Variants in TRAPPC10 observed in about 807,000 individuals in gnomAD.
The protein encoded by TRAPPC10 is TRAPP 130 kDa subunit.
A neutral mutation model predicts 125.5 loss-of-function variants in TRAPPC10; 23 were observed. The ratio of observed to expected loss-of-function variants is 0.18; its 90% CI spans 0.13 to 0.26. The LOEUF is 0.26. Among genes scored for constraint, TRAPPC10 ranks in the 10% least tolerant of loss-of-function variants. The probability of loss-of-function intolerance (pLI) is 1.00; values close to 1 mark genes in which losing one functional copy is unlikely to be tolerated. For synonymous variants in TRAPPC10, 509 were observed against 518.0 expected, an observed-to-expected ratio of 0.98 and a Z score of 0.24; for missense variants, 1,123 against 1,308.4, an observed-to-expected ratio of 0.86 and a Z score of 2.19.
chr21:44,014,799 T>C (rs548297966), intron 1 of TRAPPC10, among the ~76,000 whole-genome samples: 3 of 152,154 alleles, frequency 2.0e-5, no homozygotes, highest in East Asian at 1.9e-4. Flanking sequence ...CTTTCATTCA[T>C]TGGAGTCTCA....
chr21:44,057,655 G>GAA (rs2035710188), intron 5 of TRAPPC10, among the ~76,000 whole-genome samples: 1 of 152,162 alleles, frequency 6.6e-6, no homozygotes, highest in East Asian at 1.9e-4. Context: ...AAATTTAAAA[G>GAA]AAAAAGATGA....
intron 7 of TRAPPC10, among the ~76,000 whole-genome samples, chr21:44,066,962 G>A (rs1469503505): frequency 1.3e-5 from 2 of 152,178 alleles, no homozygotes; most frequent in Non-Finnish European, 2.9e-5. Flanking sequence ...TTAGAAGAAC[G>A]GGGAAGATAC....
chr21:44,079,412 G>C, intron 11 of TRAPPC10, 152 bp from the exon 12 acceptor site: 2 of 742,512 alleles, frequency 2.7e-6, no homozygotes, highest in Non-Finnish European at 2.1e-6. Flanking sequence ...TCTTTCTCAC[G>C]GAGTGGGGTG....
At position 44,038,056 on chromosome 21, in the gene TRAPPC10, G is replaced by A. The variant is rs912739360; in HGVS notation, c.285+129G>A. The A allele has an allele frequency of 2.0e-5, 26 of 1,320,014 alleles. No homozygotes were observed. The African/African-American group carries it at 3.8e-4, about 19-fold the overall frequency. 81.8% of individuals were successfully genotyped at this position (1,320,014 alleles called of 1,614,324 possible). A position where few individuals can be genotyped will look rare whatever the true frequency, so the allele number is the denominator to read the frequency against. ...GAGTTGGAGATGCGTGGAGAGTGCT[G>A]TGTGAGTACCAGTGGGGGAAGAGGA... is the stretch of plus-strand genomic sequence containing the variant. On this transcript the variant is annotated intron_variant, in intron 3 of 22. Transcript: ENST00000291574.
chr21:44,018,236 C>T (rs1358769675), intron 1 of TRAPPC10, among the ~76,000 whole-genome samples: 1 of 151,166 alleles, frequency 6.6e-6, no homozygotes, highest in Admixed American at 6.6e-5. Context: ...CCTATCTCTA[C>T]AAAAATGAAA....
chr21:44,067,906 G>C (rs1378701163), intron 7 of TRAPPC10, among the ~76,000 whole-genome samples: 1 of 152,146 alleles, frequency 6.6e-6, no homozygotes. Flanking sequence ...CGGATCATGA[G>C]GTCAGGAGTT....
intron 7 of TRAPPC10, among the ~76,000 whole-genome samples, chr21:44,071,589 C>T (rs886637845): frequency 7.9e-5 from 12 of 152,166 alleles, no homozygotes; most frequent in African/African-American, 2.9e-4. Flanking sequence ...GAGACACACA[C>T]AGTAAGTAGT....
Position 44,084,244 on chromosome 21 carries a change from G to A in TRAPPC10, c.2361G>A (p.Leu787=), listed in dbSNP as rs2037967979. Residue 787 remains leucine (L), a synonymous_variant, in exon 15 of 23, where the codon CTG becomes CTA. Transcript: ENST00000291574. ...ACGTGTACTCACAGGAGCCCCAGCT[G>A]CACGTGGAGCCGCTGGCTGGTGAGT... The part of the protein sequence containing the change: ...QYDVYSQEPQ[L]HVEPLADSLL... 1 of 1,613,812 alleles carries A rather than the reference G, an allele frequency of 6.2e-7. No homozygotes were observed. Among genetic ancestry groups the A allele is most frequent in the South Asian group, 1.1e-5 (1 of 91,006 alleles).
In TRAPPC10 at chr21:44,063,467, C is replaced by T. The variant is rs2036203430; in HGVS notation, c.791-71C>T. ...AAGCTGCCTGTTTGCCCACCATCCTCAGCCTGAGCAGGAAGCTCAGGAAGG... is the reference window on the plus strand; with the variant it reads ...AAGCTGCCTGTTTGCCCACCATCCTTAGCCTGAGCAGGAAGCTCAGGAAGG... On this transcript the variant is annotated intron_variant, in intron 6 of 22. Transcript: ENST00000291574. This position sits in a 1 kb window ranked among gnomAD's most constrained non-coding sequence, Gnocchi z 4.4. 1 of 1,572,050 alleles carries T rather than the reference C, an allele frequency of 6.4e-7. No homozygotes were observed. The highest frequency in any genetic ancestry group is 1.7e-5 in the Admixed American group (1 of 57,188).
chr21:44,067,014 A>G (rs1601729319), intron 7 of TRAPPC10, among the ~76,000 whole-genome samples: 1 of 152,292 alleles, frequency 6.6e-6, no homozygotes, highest in Admixed American at 6.5e-5. Flanking sequence ...TGATTGCCCA[A>G]GTGATTTTTT....
intron 4 of TRAPPC10, among the ~76,000 whole-genome samples, chr21:44,053,126 C>CT (rs929516922): frequency 1.9e-4 from 29 of 152,140 alleles, no homozygotes; most frequent in African/African-American, 6.0e-4. Context: ...AACATGGACC[C>CT]TGCCCTGGTC....
chr21:44,047,298 T>G (rs943183051), intron 3 of TRAPPC10, among the ~76,000 whole-genome samples: 1 of 152,174 alleles, frequency 6.6e-6, no homozygotes, highest in African/African-American at 2.4e-5. Flanking sequence ...TTCTTGTGCC[T>G]CATCTTCATG....
chr21:44,050,374 A>G (rs1432655960), intron 3 of TRAPPC10, among the ~76,000 whole-genome samples: 2 of 146,326 alleles, frequency 1.4e-5, no homozygotes, highest in African/African-American at 2.6e-5. Context: ...GGTGTGGACA[A>G]CTTGGAGCCA....
intron 17 of TRAPPC10, chr21:44,088,793 T>TC (rs11462769): frequency 0.02 from 1,588 of 79,276 alleles, 7 homozygotes; most frequent in African/African-American, 0.073. Context: ...ATCCCACTCT[T>TC]CCCTGGCGCT....
chr21:44,039,120 C>T (rs1456298767), intron 3 of TRAPPC10, among the ~76,000 whole-genome samples: 4 of 152,196 alleles, frequency 2.6e-5, no homozygotes, highest in Non-Finnish European at 4.4e-5. Context: ...TGTCCCCTTG[C>T]GATCAGTAAT....
chr21:44,083,399 T>C (rs965865223), intron 14 of TRAPPC10, 97 bp downstream of exon 14: 73 of 1,318,674 alleles, frequency 5.5e-5, no homozygotes, highest in Admixed American at 1.6e-4. Context: ...TTGAGTAGAG[T>C]CCTTTGTTCT....
chr21:44,076,478 G>A (rs2037293194), intron 9 of TRAPPC10, 74 bp from the exon 10 acceptor site: 8 of 1,189,320 alleles, frequency 6.7e-6, no homozygotes, highest in Non-Finnish European at 1.0e-5. Flanking sequence ...CCTGCAGTAT[G>A]TGAAGGTGAA....
At chr21:44,038,785 G>T (rs536340235) in intron 3 of TRAPPC10, among the ~76,000 whole-genome samples, 24 of 152,152 alleles carry the variant, frequency 1.6e-4, no homozygotes, top group Non-Finnish European at 3.2e-4. Flanking sequence ...AATGAGACAG[G>T]AACTGTAAGT....
rs1045956128 is a variant in TRAPPC10, at chr21:44,095,455, C to T, written c.3168+1222C>T. On this transcript the variant is annotated intron_variant, in intron 20 of 22. Coordinates refer to ENST00000291574, the MANE Select transcript of TRAPPC10 (RefSeq NM_003274.5). ...GTTTCTCCATGTTGATCAGGCTGGT[C>T]TCAAACTCTCTACCTCAGGTGATCC... is the stretch of plus-strand genomic sequence containing the variant. Among the ~76,000 whole-genome samples, 4 of 152,074 alleles carry T rather than the reference C, an allele frequency of 2.6e-5. No homozygotes were observed. The East Asian group carries it at 5.8e-4, about 22-fold the overall frequency.
Sources: allele counts gnomAD v4.1 joint callset (sites outside exome capture counted in the v4.1 genomes callset), GRCh38; gene constraint gnomAD v4.1.1; non-coding constraint Gnocchi (gnomAD v3.1); transcripts MANE v1.5; gene names NCBI Gene and HGNC (gene_info 2026-07-23, HGNC 2026-07-21).